The following EDA variants were observed in gnomAD, a reference collection of about 807,000 sequenced individuals.
EDA encodes the protein ectodysplasin A.
Under a neutral mutation model 23.6 loss-of-function variants are expected in EDA, and 2 were observed. The observed-to-expected ratio is 0.08, with a 90% CI of 0.03 to 0.27. The LOEUF (loss-of-function observed/expected upper bound fraction) is 0.27, where lower values mean the gene tolerates loss of function less well. EDA is among the 10% of genes least tolerant of loss of function. The probability of loss-of-function intolerance (pLI) is 1.00; values close to 1 mark genes in which losing one functional copy is unlikely to be tolerated. For missense variants in EDA, 229 were observed against 324.2 expected, an observed-to-expected ratio of 0.71 and a Z score of 2.26; for synonymous variants, 131 against 132.0, an observed-to-expected ratio of 0.99 and a Z score of 0.05.
At chrX:69,843,502 T>G (rs918556050) in intron 1 of EDA, among the ~76,000 whole-genome samples, 1 of 111,847 alleles carries the variant, frequency 8.9e-6, no homozygotes, top group African/African-American at 3.3e-5. Context: ...TTTCATTTCA[T>G]TATACAGAGT....
chrX:70,028,337 A>T (rs1344248341), intron 4 of EDA, among the ~76,000 whole-genome samples: 1 of 111,689 alleles, frequency 9.0e-6, no homozygotes, highest in African/African-American at 3.3e-5. Context: ...AGTAAAACTC[A>T]TATGAGCCAG....
chrX:69,618,484 A>T (rs1932060589), intron 1 of EDA, among the ~76,000 whole-genome samples: 1 of 112,206 alleles, frequency 8.9e-6, no homozygotes, highest in South Asian at 3.7e-4. Flanking sequence ...ATCAATTGGA[A>T]TCAGTTTCCT....
At chrX:69,726,073 C>T (rs1213005132) in intron 1 of EDA, among the ~76,000 whole-genome samples, 1 of 111,953 alleles carries the variant, frequency 8.9e-6, no homozygotes, top group East Asian at 2.8e-4. Context: ...CAGCTATATC[C>T]TGACAGTCAG....
intron 1 of EDA, among the ~76,000 whole-genome samples, chrX:69,717,423 A>G (rs888055447): frequency 1.3e-4 from 14 of 110,872 alleles, no homozygotes; most frequent in South Asian, 1.1e-3. Context: ...TTGTCAGTAT[A>G]TAGAAAAGCA....
intron 2 of EDA, among the ~76,000 whole-genome samples, chrX:69,994,539 T>C (rs181388897): frequency 7.2e-4 from 81 of 112,078 alleles, no homozygotes; most frequent in Non-Finnish European, 9.4e-4. Flanking sequence ...TAGATCTGAG[T>C]TGAGGCCCAG....
At position 69,978,515 on chromosome X, in the gene EDA, A is replaced by AT. The variant is rs1410355386; in HGVS notation, c.502+21383_502+21384insT. On this transcript the variant is annotated intron_variant, in intron 2 of 7. Coordinates refer to ENST00000374552, the MANE Select transcript of EDA (RefSeq NM_001399.5). Reference sequence around the variant, plus strand: ...CAGAATCTGTCTCAAAAAAAAAAAAAAAAAAGAAAGAAAGAAAAAAAGCAG... The same window carrying AT: ...CAGAATCTGTCTCAAAAAAAAAAAAATAAAAAGAAAGAAAGAAAAAAAGCAG... Among the ~76,000 whole-genome samples the AT allele has an allele frequency of 5.9e-4, 61 of 103,596 alleles. 1 individual carries two copies. The highest frequency in any genetic ancestry group is 4.7e-3 in the East Asian group (13 of 2,784). The allele number at this position is 103,596 out of a possible 115,157, so 90.0% of individuals were successfully genotyped here.
At chrX:69,761,615 G>T (rs1049221761) in intron 1 of EDA, among the ~76,000 whole-genome samples, 4 of 111,920 alleles carry the variant, frequency 3.6e-5, no homozygotes, top group Non-Finnish European at 7.5e-5. Context: ...TCAGGACAAG[G>T]TTAGAGTTTT....
At chrX:69,970,666 G>A (rs975953542) in intron 2 of EDA, among the ~76,000 whole-genome samples, 6 of 111,367 alleles carry the variant, frequency 5.4e-5, no homozygotes, top group Non-Finnish European at 1.1e-4. Context: ...GGTCCAGAAC[G>A]GGATCTTCAT....
intron 2 of EDA, among the ~76,000 whole-genome samples, chrX:69,999,888 G>A (rs777718167): frequency 9.0e-6 from 1 of 111,364 alleles, no homozygotes; most frequent in African/African-American, 3.3e-5. Context: ...TTTATAGTGT[G>A]TCATGACCAA....
At chrX:69,850,651 G>A (rs747913025) in intron 1 of EDA, among the ~76,000 whole-genome samples, 11 of 111,916 alleles carry the variant, frequency 9.8e-5, no homozygotes, top group Non-Finnish European at 1.5e-4. Flanking sequence ...GAGGGATCAT[G>A]TTATTCTTCC....
Position 70,009,506 on chromosome X carries a change from T to G in EDA, c.503-13712T>G, listed in dbSNP as rs2147485964. 1.8e-5 allele frequency among the ~76,000 whole-genome samples: 2 copies of G among 112,633 alleles called. 1 individual carries two copies. The highest frequency in any genetic ancestry group is 1.9e-4 in the Admixed American group (2 of 10,624). On this transcript the variant is annotated intron_variant, in intron 2 of 7. Transcript: ENST00000374552. ...TTCAAAATATATTTTTAATTTTCCT[T>G]GAGACTTTTCCTTTGACCCATGTCT...
At chrX:69,799,074 C>T (rs1338252776) in intron 1 of EDA, among the ~76,000 whole-genome samples, 2 of 110,901 alleles carry the variant, frequency 1.8e-5, no homozygotes, top group Non-Finnish European at 3.8e-5. Context: ...AACAAGTGTG[C>T]CAAGAATATA....
At position 70,029,527 on chromosome X, in the gene EDA, C is replaced by G; in HGVS notation, c.730C>G (p.Arg244Gly). Residue 244 changes from arginine (R) to glycine (G), a missense_variant, in exon 5 of 8, where the codon CGA becomes GGA. Arg to Gly is a moderately radical substitution (Grantham distance 125). Coordinates refer to ENST00000374552, the MANE Select transcript of EDA (RefSeq NM_001399.5). ...AGGTGCTGCTGATAAAGCTGGAACTCGAGAAAACCAGGTTGGCTGGGGATT... is the reference window on the plus strand; with the variant it reads ...AGGTGCTGCTGATAAAGCTGGAACTGGAGAAAACCAGGTTGGCTGGGGATT... ...PSGAADKAGTRENQPAVVHLQ... is the reference protein window; with the variant it reads ...PSGAADKAGTGENQPAVVHLQ... 4 of 1,211,837 alleles carry G rather than the reference C, an allele frequency of 3.3e-6. 1 individual carries two copies. Among genetic ancestry groups the G allele is most frequent in the Middle Eastern group, 4.6e-4 (2 of 4,348 alleles).
chrX:69,993,086 A>G (rs2019611281), intron 2 of EDA, among the ~76,000 whole-genome samples: 1 of 110,284 alleles, frequency 9.1e-6, no homozygotes, highest in South Asian at 3.8e-4. Flanking sequence ...TTATAATGCC[A>G]CTTCAATCAT....
At chrX:69,775,462 G>T (rs183624552) in intron 1 of EDA, among the ~76,000 whole-genome samples, 2 of 111,649 alleles carry the variant, frequency 1.8e-5, no homozygotes, top group East Asian at 5.6e-4. Context: ...GTGTGACTGA[G>T]GAGAATAATA....
At chrX:69,653,165 G>T (rs1004462881) in intron 1 of EDA, among the ~76,000 whole-genome samples, 1 of 111,471 alleles carries the variant, frequency 9.0e-6, no homozygotes, top group Non-Finnish European at 1.9e-5. Context: ...AGCAGTGGCT[G>T]GTAGTTCTCC....
chrX:69,928,174 G>T (rs2018549371), intron 1 of EDA, among the ~76,000 whole-genome samples: 1 of 110,467 alleles, frequency 9.1e-6, no homozygotes, highest in Non-Finnish European at 1.9e-5. Context: ...CATCTCTATC[G>T]AGCAAACTAC....
At chrX:69,908,815 C>G (rs1171578139) in intron 1 of EDA, among the ~76,000 whole-genome samples, 4 of 109,655 alleles carry the variant, frequency 3.6e-5, no homozygotes, top group Non-Finnish European at 1.9e-5. Context: ...TAGTTTAGGA[C>G]AATTTTCTAA....
intron 1 of EDA, among the ~76,000 whole-genome samples, chrX:69,672,098 TA>T (rs1933916329): frequency 8.9e-6 from 1 of 111,848 alleles, no homozygotes; most frequent in South Asian, 3.7e-4. Context: ...AAGATGGGCA[TA>T]AAATGGTATT....
Sources: gnomAD v4.1 joint callset for allele counts (sites outside exome capture counted in the v4.1 genomes callset) on GRCh38, gnomAD v4.1.1 for gene constraint, MANE v1.5 for transcripts, NCBI Gene and HGNC (gene_info 2026-07-23, HGNC 2026-07-21) for gene names.